Variants in FAM227A observed in about 807,000 individuals in gnomAD.
The protein encoded by FAM227A is protein FAM227A.
Under a neutral mutation model 74.7 loss-of-function variants are expected in FAM227A, and 80 were observed. The observed-to-expected ratio is 1.07, with a 90% CI of 0.89 to 1.29. The LOEUF (loss-of-function observed/expected upper bound fraction) is 1.29, where lower values mean the gene tolerates loss of function less well. Among genes scored for constraint, FAM227A ranks in the 50% most tolerant of loss-of-function variants. FAM227A has a pLI of 0.00. For synonymous variants in FAM227A, 237 were observed against 241.8 expected (o/e 0.98, Z 0.19); for missense variants, 654 against 683.4 (o/e 0.96, Z 0.48).
intron 15 of FAM227A, among the ~76,000 whole-genome samples, chr22:38,595,467 A>G (rs2091024375): frequency 6.6e-6 from 1 of 152,246 alleles, no homozygotes; most frequent in South Asian, 2.1e-4. Context: ...GCCAGCTAAT[A>G]AATGTAGAAG....
chr22:38,619,014 T>C (rs954497516), intron 11 of FAM227A, among the ~76,000 whole-genome samples: 7 of 150,698 alleles, frequency 4.6e-5, no homozygotes, highest in Admixed American at 1.3e-4. Flanking sequence ...TTTGGTTAAC[T>C]GCATGCTATC....
intron 9 of FAM227A, 21 bp from the exon 10 acceptor site, chr22:38,623,300 G>T: frequency 6.7e-7 from 1 of 1,498,560 alleles, no homozygotes; most frequent in Non-Finnish European, 9.1e-7. Context: ...AGTCAAGAGT[G>T]AGAATGGGGC....
intron 6 of FAM227A, among the ~76,000 whole-genome samples, chr22:38,634,130 G>T (rs2091960024): frequency 6.7e-6 from 1 of 149,878 alleles, no homozygotes; most frequent in Admixed American, 6.7e-5. Context: ...GCTGAGACAG[G>T]AGAAGTGCTC....
intron 12 of FAM227A, among the ~76,000 whole-genome samples, chr22:38,605,670 A>G (rs767773791): frequency 1.3e-5 from 2 of 152,138 alleles, no homozygotes; most frequent in Non-Finnish European, 2.9e-5. Context: ...TTCAGTTCAA[A>G]TATTTTCTAA....
intron 6 of FAM227A, among the ~76,000 whole-genome samples, chr22:38,633,205 G>A (rs1383784651): frequency 2.0e-5 from 3 of 152,300 alleles, no homozygotes; most frequent in Non-Finnish European, 2.9e-5. Flanking sequence ...TTTCGAAGAC[G>A]GGGCACAAAT....
At chr22:38,643,918 C>T (rs1044867690) in intron 3 of FAM227A, among the ~76,000 whole-genome samples, 3 of 151,992 alleles carry the variant, frequency 2.0e-5, no homozygotes, top group Admixed American at 6.6e-5. Flanking sequence ...GAGGCTGAGG[C>T]GGGCGGATCA....
At chr22:38,613,145 ATT>A (rs1491434808) in intron 11 of FAM227A, among the ~76,000 whole-genome samples, 1 of 86,356 alleles carries the variant, frequency 1.2e-5, no homozygotes, top group Non-Finnish European at 2.0e-5. Context: ...TAATATATAT[ATT>A]ATATATTATA....
intron 8 of FAM227A, among the ~76,000 whole-genome samples, chr22:38,627,498 T>C (rs528019252): frequency 5.3e-5 from 8 of 151,654 alleles, no homozygotes; most frequent in African/African-American, 9.7e-5. Flanking sequence ...AACCCAGGAA[T>C]TGGAAGTTGC....
At chr22:38,653,778 G>A (rs2092353592) in intron 1 of FAM227A, 1 of 152,206 alleles carries the variant, frequency 6.6e-6, no homozygotes, top group Admixed American at 6.6e-5. Flanking sequence ...GTTGAGGACT[G>A]TGGATGAAAT....
intron 6 of FAM227A, among the ~76,000 whole-genome samples, chr22:38,635,791 G>C (rs755301851): frequency 6.6e-6 from 1 of 152,132 alleles, no homozygotes; most frequent in Non-Finnish European, 1.5e-5. Context: ...CTTGAGCCCT[G>C]GAGTTGGAGA....
intron 5 of FAM227A, among the ~76,000 whole-genome samples, chr22:38,637,693 TAGCTC>T (rs969194078): frequency 3.9e-5 from 6 of 152,218 alleles, no homozygotes; most frequent in Non-Finnish European, 2.9e-5. Flanking sequence ...GCAGGACACT[TAGCTC>T]AGCCACCATC....
intron 15 of FAM227A, among the ~76,000 whole-genome samples, chr22:38,596,434 T>C (rs1035495744): frequency 2.0e-5 from 3 of 152,264 alleles, no homozygotes; most frequent in African/African-American, 7.2e-5. Flanking sequence ...ATCCCAGCAC[T>C]CCAGAGGAGG....
At chr22:38,600,970 A>G (rs1031120104) in intron 13 of FAM227A, among the ~76,000 whole-genome samples, 1 of 151,928 alleles carries the variant, frequency 6.6e-6, no homozygotes, top group Non-Finnish European at 1.5e-5. Context: ...AAAAAAGAAA[A>G]TTATTTAGTA....
Position 38,586,036 on chromosome 22 carries a change from A to G in FAM227A, c.*89T>C, listed in dbSNP as rs1442378165. The G allele has an allele frequency of 5.8e-6, 9 of 1,546,894 alleles. No individual in the cohort carries two copies. The highest frequency in any genetic ancestry group is 7.9e-6 in the Non-Finnish European group (9 of 1,145,316). On this transcript the variant is annotated 3_prime_UTR_variant, in exon 17 of 17. Coordinates refer to ENST00000535113, the MANE Select transcript of FAM227A (RefSeq NM_001013647.2). Reference sequence around the variant, plus strand: ...GATTCCTATTTCTGTCTTTGGCCACAATTTTCTTATTTTCTTGTTCCACTC... The same window carrying G: ...GATTCCTATTTCTGTCTTTGGCCACGATTTTCTTATTTTCTTGTTCCACTC...
At chr22:38,597,460 G>A (rs1361318897) in intron 14 of FAM227A, 104 bp from the exon 15 acceptor site, 15 of 1,151,502 alleles carry the variant, frequency 1.3e-5, no homozygotes, top group Non-Finnish European at 1.8e-5. Context: ...ATGGAGGACA[G>A]AACAGGGAAA....
chr22:38,624,894 T>G (rs990680352), intron 9 of FAM227A, among the ~76,000 whole-genome samples: 5 of 152,198 alleles, frequency 3.3e-5, no homozygotes, highest in African/African-American at 1.2e-4. Flanking sequence ...GAGACTACAC[T>G]TAAACGCAGA....
intron 11 of FAM227A, among the ~76,000 whole-genome samples, chr22:38,616,314 C>G (rs1221630338): frequency 6.6e-6 from 1 of 152,232 alleles, no homozygotes; most frequent in East Asian, 1.9e-4. Context: ...CAGTGGCTGC[C>G]GGGGGCAGGA....
At chr22:38,646,439 T>C (rs1281775702) in intron 2 of FAM227A, among the ~76,000 whole-genome samples, 1 of 150,268 alleles carries the variant, frequency 6.7e-6, no homozygotes, top group Non-Finnish European at 1.5e-5. Flanking sequence ...TTTTTTTGTA[T>C]TTTTAGTAGA....
chr22:38,586,879 T>C (rs936983541), intron 16 of FAM227A, among the ~76,000 whole-genome samples: 1 of 151,828 alleles, frequency 6.6e-6, no homozygotes, highest in Non-Finnish European at 1.5e-5. Flanking sequence ...AGGGTTTCAC[T>C]ATGTTGACCA....
Sources: gnomAD v4.1 joint callset for allele counts (sites outside exome capture counted in the v4.1 genomes callset) on GRCh38, gnomAD v4.1.1 for gene constraint, MANE v1.5 for transcripts, NCBI Gene and HGNC (gene_info 2026-07-23, HGNC 2026-07-21) for gene names.